Variants in RBFOX1 observed in about 807,000 individuals in gnomAD.
RBFOX1 encodes the protein RNA binding fox-1 homolog 1.
In RBFOX1, 8 loss-of-function variants were observed where a neutral mutation model predicts 57.7. The ratio of observed to expected loss-of-function variants is 0.14; its 90% CI spans 0.08 to 0.25. The LOEUF (loss-of-function observed/expected upper bound fraction) is 0.25, where lower values mean the gene tolerates loss of function less well. Ranked by LOEUF, RBFOX1 falls within the 10% of genes least tolerant of loss-of-function variation. RBFOX1 has a pLI of 1.00. For synonymous variants in RBFOX1, 326 were observed against 222.4 expected, an observed-to-expected ratio of 1.47 and a Z score of -4.15; for missense variants, 611 against 548.5, an observed-to-expected ratio of 1.11 and a Z score of -1.14.
chr16:5,519,348 T>C (rs1223707385), intron 2 of RBFOX1, among the ~76,000 whole-genome samples: 1 of 152,166 alleles, frequency 6.6e-6, no homozygotes, highest in East Asian at 1.9e-4. Flanking sequence ...TTCTCTGAGA[T>C]GGGGGATCTG....
chr16:7,341,764 TTCCC>T (rs1195469045), intron 4 of RBFOX1, among the ~76,000 whole-genome samples: 23 of 46,836 alleles, frequency 4.9e-4, no homozygotes, highest in South Asian at 1.2e-3. Flanking sequence ...CCTTCCCTCC[TTCCC>T]TCCCTCCCTC....
At chr16:5,334,034 T>C (rs576518052) in intron 1 of RBFOX1, among the ~76,000 whole-genome samples, 10 of 152,306 alleles carry the variant, frequency 6.6e-5, no homozygotes, top group African/African-American at 2.2e-4. Context: ...TGAATAAACC[T>C]GAGAGGTGCT....
At chr16:5,415,354 A>G (rs1194576875) in intron 1 of RBFOX1, among the ~76,000 whole-genome samples, 11 of 152,168 alleles carry the variant, frequency 7.2e-5, no homozygotes. Flanking sequence ...TCACGAGAAC[A>G]GCATAGGGAA....
chr16:5,276,777 A>T (rs1450221812), intron 1 of RBFOX1, among the ~76,000 whole-genome samples: 1 of 152,218 alleles, frequency 6.6e-6, no homozygotes. Flanking sequence ...TCTCAAAACA[A>T]CAACAACAAA....
chr16:6,654,787 A>C, intron 3 of RBFOX1, 137 bp downstream of exon 3: 1 of 593,904 alleles, frequency 1.7e-6, no homozygotes, highest in Non-Finnish European at 2.7e-6. Context: ...AAAGACAATC[A>C]GACTTAAAAA....
At chr16:6,397,609 G>A (rs2092895804) in intron 2 of RBFOX1, among the ~76,000 whole-genome samples, 1 of 152,186 alleles carries the variant, frequency 6.6e-6, no homozygotes, top group Non-Finnish European at 1.5e-5. Context: ...ATGAAGAGCA[G>A]GGAACATGGT....
At chr16:7,259,964 T>G (rs2094852445) in intron 4 of RBFOX1, among the ~76,000 whole-genome samples, 1 of 152,192 alleles carries the variant, frequency 6.6e-6, no homozygotes, top group African/African-American at 2.4e-5. Context: ...CCTGATTTAG[T>G]AATTTCAGGC....
At chr16:6,326,627 C>T (rs1340511949) in intron 2 of RBFOX1, among the ~76,000 whole-genome samples, 1 of 152,192 alleles carries the variant, frequency 6.6e-6, no homozygotes, top group East Asian at 1.9e-4. Flanking sequence ...ACTCTCCCAC[C>T]AAGTCCATAA....
intron 3 of RBFOX1, among the ~76,000 whole-genome samples, chr16:7,011,536 C>T (rs532256338): frequency 4.0e-4 from 61 of 152,024 alleles, no homozygotes; most frequent in Admixed American, 3.3e-3. Flanking sequence ...TTTTTTGAGA[C>T]GAAGTCTTGC....
chr16:7,513,290 T>G (rs55877011), intron 4 of RBFOX1, among the ~76,000 whole-genome samples: 33,287 of 149,532 alleles, frequency 0.22, 4,835 homozygotes, highest in East Asian at 0.41. Flanking sequence ...AAATAATGAA[T>G]GAATGAATGA....
intron 3 of RBFOX1, among the ~76,000 whole-genome samples, chr16:6,720,621 G>A (rs1350275313): frequency 6.6e-6 from 1 of 152,098 alleles, no homozygotes; most frequent in Non-Finnish European, 1.5e-5. Flanking sequence ...CTGGAGAATA[G>A]TTGGGGAGAA....
chr16:5,598,259 G>A (rs2047253306), intron 2 of RBFOX1, among the ~76,000 whole-genome samples: 1 of 151,852 alleles, frequency 6.6e-6, no homozygotes, highest in South Asian at 2.1e-4. Context: ...GTAGTGCATA[G>A]CATTGCAGAT....
chr16:7,643,305 T>G (rs952098316), intron 11 of RBFOX1, among the ~76,000 whole-genome samples: 2 of 152,208 alleles, frequency 1.3e-5, no homozygotes, highest in African/African-American at 4.8e-5. Context: ...GTGTGCTCAT[T>G]ACATGTAATT....
chr16:7,111,683 C>G (rs2064806748), intron 4 of RBFOX1, among the ~76,000 whole-genome samples: 1 of 151,940 alleles, frequency 6.6e-6, no homozygotes, highest in African/African-American at 2.4e-5. Context: ...TTGTATAAAA[C>G]TACTTCTGGG....
chr16:5,798,933 C>G (rs552445841), intron 3 of RBFOX1, among the ~76,000 whole-genome samples: 1 of 152,200 alleles, frequency 6.6e-6, no homozygotes, highest in South Asian at 2.1e-4. Flanking sequence ...AGTTCTGCCA[C>G]TTGACTCCTG....
chr16:6,246,780 C>G (rs2097571433), intron 1 of RBFOX1, among the ~76,000 whole-genome samples: 1 of 152,150 alleles, frequency 6.6e-6, no homozygotes, highest in South Asian at 2.1e-4. Flanking sequence ...AACTCCAGTC[C>G]ATTGTAGGCT....
intron 4 of RBFOX1, among the ~76,000 whole-genome samples, chr16:7,454,118 A>G (rs377571446): frequency 6.6e-6 from 1 of 152,354 alleles, no homozygotes; most frequent in African/African-American, 2.4e-5. Flanking sequence ...CTGTAATCCC[A>G]GCTACTCAGG....
intron 2 of RBFOX1, among the ~76,000 whole-genome samples, chr16:6,452,116 C>T (rs2534766): frequency 4.8e-5 from 5 of 105,136 alleles, no homozygotes; most frequent in Non-Finnish European, 8.3e-5. Flanking sequence ...CCATCCATGG[C>T]TCCTTCCTTC....
rs1316627606 is a variant in RBFOX1 at position 6,478,414 on chromosome 16, TATATATATATA to T, written c.-64+161358_-64+161368del. Among the ~76,000 whole-genome samples the T allele has an allele frequency of 5.0e-3, 158 of 31,396 alleles. 4 individuals are homozygous for T. Among genetic ancestry groups the T allele is most frequent in the Admixed American group, 7.2e-3 (15 of 2,080 alleles). The allele number at this position is 31,396 out of a possible 152,430, so 20.6% of individuals were successfully genotyped here. A position where few individuals can be genotyped will look rare whatever the true frequency, so the allele number is the denominator to read the frequency against. On this transcript the variant is annotated intron_variant, in intron 2 of 15. Transcript: ENST00000550418. Reference sequence around the variant, plus strand: ...ATATATATATATATATATATATATATATATATATATATATATTTTTTTTTTTTTTTTTTGTA... The same window carrying T: ...ATATATATATATATATATATATATATTATATTTTTTTTTTTTTTTTTTGTA...
Sources: gnomAD v4.1 joint callset for allele counts (sites outside exome capture counted in the v4.1 genomes callset) on GRCh38, gnomAD v4.1.1 for gene constraint, MANE v1.5 for transcripts, NCBI Gene and HGNC (gene_info 2026-07-23, HGNC 2026-07-21) for gene names.